Variants in FHIT observed in about 807,000 individuals in gnomAD.
FHIT encodes bis(5'-adenosyl)-triphosphatase.
FHIT carries 19 observed loss-of-function variants against 17.9 expected under a neutral mutation model. That is an observed-to-expected ratio of 1.06 (90% CI 0.74 to 1.56). FHIT has a LOEUF of 1.56. FHIT is among the 40% of genes most tolerant of loss of function. FHIT has a pLI of 0.00. For synonymous variants in FHIT, 81 were observed against 69.7 expected (o/e 1.16, Z -0.81); for missense variants, 248 against 189.2 (o/e 1.31, Z -1.82).
chr3:60,027,752 A>T (rs1236221594), intron 5 of FHIT, among the ~76,000 whole-genome samples: 1 of 151,876 alleles, frequency 6.6e-6, no homozygotes, highest in African/African-American at 2.4e-5. Flanking sequence ...TTCAGATTGA[A>T]GGATAGTATT....
chr3:60,359,960 A>G (rs1699835472), intron 5 of FHIT, among the ~76,000 whole-genome samples: 1 of 151,522 alleles, frequency 6.6e-6, no homozygotes, highest in African/African-American at 2.4e-5. Context: ...TGCAAACACT[A>G]GAACACTAGG....
chr3:61,138,448 C>T (rs2036980277), intron 2 of FHIT, among the ~76,000 whole-genome samples: 1 of 152,224 alleles, frequency 6.6e-6, no homozygotes, highest in African/African-American at 2.4e-5. Context: ...CCTAGGATTA[C>T]AGCTGGGCCT....
At chr3:61,012,126 T>TC (rs1310936870) in intron 3 of FHIT, among the ~76,000 whole-genome samples, 1 of 152,156 alleles carries the variant, frequency 6.6e-6, no homozygotes, top group Non-Finnish European at 1.5e-5. Flanking sequence ...GTCCAAAAAT[T>TC]AAAAATCATA....
intron 2 of FHIT, among the ~76,000 whole-genome samples, chr3:61,198,678 TC>T (rs2038924523): frequency 6.6e-6 from 1 of 152,120 alleles, no homozygotes; most frequent in Non-Finnish European, 1.5e-5. Flanking sequence ...CTACAAAACT[TC>T]AGCCTAATAA....
Position 59,797,569 on chromosome 3 carries a change from G to C in FHIT, c.349-45248C>G, listed in dbSNP as rs72886676. On this transcript the variant is annotated intron_variant, in intron 8 of 9. Transcript: ENST00000492590. ...TTGTCATTTCTTTGGATGAACCAAT[G>C]CATGTAAGGAGGATGTAGTTCTGGG... Among the ~76,000 whole-genome samples the C allele has an allele frequency of 9.2e-3, 1,394 of 152,298 alleles. 27 individuals carry two copies. Among genetic ancestry groups the C allele is most frequent in the African/African-American group, 0.032 (1,339 of 41,566 alleles).
chr3:60,457,095 G>T (rs2032146522), intron 5 of FHIT, among the ~76,000 whole-genome samples: 1 of 152,082 alleles, frequency 6.6e-6, no homozygotes, highest in African/African-American at 2.4e-5. Context: ...AAGTTCATAT[G>T]GAACCAAAAC....
At position 61,187,399 on chromosome 3, in the gene FHIT, C is replaced by T. The variant is rs146695026; in HGVS notation, c.-164+13218G>A. ...GAGCTAACTATCCTAAATATATATG[C>T]ACCCAATACAGGAGCACCCAGATTC... On this transcript the variant is annotated intron_variant, in intron 2 of 9. Transcript: ENST00000492590. Among the ~76,000 whole-genome samples the T allele has an allele frequency of 5.9e-3, 891 of 152,180 alleles. 7 individuals carry two copies. Among genetic ancestry groups the T allele is most frequent in the Non-Finnish European group, 0.01 (696 of 68,004 alleles).
intron 8 of FHIT, among the ~76,000 whole-genome samples, chr3:59,845,522 C>G (rs886408542): frequency 6.6e-6 from 1 of 151,830 alleles, no homozygotes; most frequent in African/African-American, 2.4e-5. Flanking sequence ...CTTGTGTTTT[C>G]TTATTTAATC....
rs527731693 is a variant in FHIT, at chr3:59,825,234, T to A, written c.349-72913A>T. On this transcript the variant is annotated intron_variant, in intron 8 of 9. Coordinates refer to ENST00000492590, the MANE Select transcript of FHIT (RefSeq NM_002012.4). ...CTTTAGTTCATATTTCTTCTCCAGA[T>A]GGATTTTCTATGAAGATCATCCCTA... 1.4e-4 allele frequency among the ~76,000 whole-genome samples: 21 copies of A among 152,344 alleles called. No homozygotes were observed. The South Asian group carries it at 3.9e-3, about 29-fold the overall frequency.
At chr3:60,262,238 A>C (rs1163977492) in intron 5 of FHIT, among the ~76,000 whole-genome samples, 2 of 152,106 alleles carry the variant, frequency 1.3e-5, no homozygotes, top group African/African-American at 4.8e-5. Context: ...TTAAAAAGTT[A>C]CAAACATTGC....
At chr3:61,054,503 C>G (rs12632698) in intron 2 of FHIT, among the ~76,000 whole-genome samples, 85,263 of 151,978 alleles carry the variant, frequency 0.56, 25,879 homozygotes, top group East Asian at 0.78. Flanking sequence ...TTTGCTGATT[C>G]TTTATACACA....
chr3:61,194,688 T>C lies in FHIT; in HGVS notation c.-164+5929A>G, dbSNP rs954564706. Among the ~76,000 whole-genome samples, 4 of 152,182 alleles carry C rather than the reference T, an allele frequency of 2.6e-5. No homozygotes were observed. In the South Asian group the frequency reaches 6.2e-4, roughly 24 times the overall value. On this transcript the variant is annotated intron_variant, in intron 2 of 9. Transcript: ENST00000492590. ...AAATAAAAGAATTGCCTTATATGTATAGCACTTTAAAGAGTTGAGATTCCC... is the reference window on the plus strand; with the variant it reads ...AAATAAAAGAATTGCCTTATATGTACAGCACTTTAAAGAGTTGAGATTCCC...
chr3:60,897,456 T>C (rs1480903362), intron 3 of FHIT, among the ~76,000 whole-genome samples: 1 of 152,192 alleles, frequency 6.6e-6, no homozygotes, highest in African/African-American at 2.4e-5. Context: ...TTTTTTGCCA[T>C]GCCAAAGAGG....
chr3:59,958,123 A>G lies in FHIT; in HGVS notation c.280-35709T>C, dbSNP rs556891122. On this transcript the variant is annotated intron_variant, in intron 7 of 9. Transcript: ENST00000492590. ...TATCCACATCTACCAACTGTCTTCA[A>G]ATTAAAGCCCTTCTCTAGCTGGAAC... Among the ~76,000 whole-genome samples the G allele has an allele frequency of 7.2e-5, 11 of 152,346 alleles. No homozygotes were observed. The South Asian group carries it at 8.3e-4, about 11-fold the overall frequency.
intron 5 of FHIT, among the ~76,000 whole-genome samples, chr3:60,368,416 A>G (rs1280548778): frequency 6.6e-6 from 1 of 151,876 alleles, no homozygotes; most frequent in Non-Finnish European, 1.5e-5. Context: ...TAATGGACTT[A>G]TTGGCATTTG....
At chr3:59,823,473 A>G (rs936763580) in intron 8 of FHIT, among the ~76,000 whole-genome samples, 1 of 152,200 alleles carries the variant, frequency 6.6e-6, no homozygotes, top group Admixed American at 6.5e-5. Context: ...AACTGAATCC[A>G]ACAGCACATC....
At chr3:60,868,622 C>T (rs989542809) in intron 3 of FHIT, among the ~76,000 whole-genome samples, 1 of 152,124 alleles carries the variant, frequency 6.6e-6, no homozygotes, top group Admixed American at 6.6e-5. Context: ...TGACAATATA[C>T]TCTCTTTGTA....
intron 4 of FHIT, among the ~76,000 whole-genome samples, chr3:60,572,805 A>G (rs1181657163): frequency 1.3e-5 from 2 of 152,116 alleles, no homozygotes; most frequent in Admixed American, 6.6e-5. Context: ...TTGGCTGGGG[A>G]GATGGAAAAA....
At chr3:60,231,840 T>G (rs1704511265) in intron 5 of FHIT, among the ~76,000 whole-genome samples, 1 of 152,188 alleles carries the variant, frequency 6.6e-6, no homozygotes, top group African/African-American at 2.4e-5. Context: ...ACAGATGTAA[T>G]TCAAGTCTCT....
Sources: gnomAD v4.1 joint callset for allele counts (sites outside exome capture counted in the v4.1 genomes callset) on GRCh38, gnomAD v4.1.1 for gene constraint, MANE v1.5 for transcripts, NCBI Gene and HGNC (gene_info 2026-07-23, HGNC 2026-07-21) for gene names.